Variants in SRCAP observed in about 807,000 individuals in gnomAD.
SRCAP encodes the protein chromatin remodeling protein SRCAP.
Under a neutral mutation model 263.1 loss-of-function variants are expected in SRCAP, and 46 were observed. The ratio of observed to expected loss-of-function variants is 0.17; its 90% CI spans 0.14 to 0.22. The LOEUF (loss-of-function observed/expected upper bound fraction) is 0.22, where lower values mean the gene tolerates loss of function less well. Among genes scored for constraint, SRCAP ranks in the 10% least tolerant of loss-of-function variants. The pLI is 1.00. For missense variants in SRCAP, 3,695 were observed against 4,181.9 expected, an observed-to-expected ratio of 0.88 and a Z score of 3.21; for synonymous variants, 1,813 against 1,662.1, an observed-to-expected ratio of 1.09 and a Z score of -2.21.
rs774278541 is a variant in SRCAP at position 30,709,847 on chromosome 16, A to G, written c.857-4A>G. The G allele has an allele frequency of 2.3e-5, 37 of 1,613,880 alleles. No homozygotes were observed. Among genetic ancestry groups the G allele is most frequent in the Non-Finnish European group, 3.1e-5 (36 of 1,179,912 alleles). ...GACTTTGTGACCTTGTTCTCCTGCT[A>G]TAGATGGGGACTTTCAACCCCAAGA... is the stretch of plus-strand genomic sequence containing the variant. On this transcript the variant is annotated splice_polypyrimidine_tract_variant and splice_region_variant and intron_variant, in intron 7 of 33. Transcript: ENST00000262518.
At chr16:30,715,151 A>G (rs981149977) in intron 16 of SRCAP, among the ~76,000 whole-genome samples, 8 of 152,216 alleles carry the variant, frequency 5.3e-5, no homozygotes, top group South Asian at 2.1e-4. Context: ...CTGATTTGCT[A>G]TCATTAATTG....
rs1389759145 is a variant in SRCAP at position 30,737,538 on chromosome 16, A to C, written c.7498A>C (p.Thr2500Pro). The C allele has an allele frequency of 6.2e-7, 1 of 1,607,476 alleles. No homozygotes were observed. Among genetic ancestry groups the C allele is most frequent in the African/African-American group, 1.3e-5 (1 of 74,184 alleles). Residue 2500 changes from threonine (T) to proline (P), a missense_variant, in exon 34 of 34, where the codon ACC (threonine) becomes CCC (proline). By Grantham distance (38) the Thr-to-Pro change is conservative. Around this residue, in one of 12 missense-constraint regions of SRCAP, gnomAD observed 1,207 missense variants for 1,142.9 expected, o/e 1.06. Coordinates refer to ENST00000262518, the MANE Select transcript of SRCAP (RefSeq NM_006662.3). The part of the protein sequence containing the change: ...QIPPCSSPAC[T>P]PPPACTPPPA... ...TCCTCCTTGTTCTTCTCCTGCCTGCACCCCTCCTCCTGCCTGTACCCCTCC... is the reference window on the plus strand; with the variant it reads ...TCCTCCTTGTTCTTCTCCTGCCTGCCCCCCTCCTCCTGCCTGTACCCCTCC...
rs2052797848 is a variant in SRCAP, at chr16:30,704,007, A to G, written c.55-57A>G. ...GAAGATCGGATGAAATAATGTATCT[A>G]AAACACTCAGCACAGTGCGAAGCAT... On this transcript the variant is annotated intron_variant, in intron 3 of 33. Transcript: ENST00000262518. The G allele has an allele frequency of 9.1e-6, 14 of 1,535,970 alleles. No homozygotes were observed. In the South Asian group the frequency reaches 1.5e-4, roughly 17 times the overall value.
At chr16:30,721,497 GGTGA>G in intron 21 of SRCAP, 21 bp downstream of exon 21, 2 of 1,601,772 alleles carry the variant, frequency 1.2e-6, no homozygotes, top group Non-Finnish European at 8.5e-7. Context: ...AGGGCTCTGT[GGTGA>G]GGGACTTGAG....
intron 25 of SRCAP, among the ~76,000 whole-genome samples, chr16:30,726,781 A>G (rs987591197): frequency 6.6e-6 from 1 of 152,006 alleles, no homozygotes; most frequent in African/African-American, 2.4e-5. Context: ...GCTCACTGCA[A>G]CCTCCACTTC....
chr16:30,734,004 A>G lies in SRCAP; in HGVS notation c.6605A>G (p.Lys2202Arg). The change falls in exon 30 of 34, where the codon AAA becomes AGA. Residue 2202 changes from lysine (K) to arginine (R), a missense_variant. Lys to Arg is a conservative substitution (Grantham distance 26). Around this residue, in one of 12 missense-constraint regions of SRCAP, gnomAD observed 138 missense variants for 254.9 expected, o/e 0.54. Transcript: ENST00000262518. ...GGCAACTTCACCACAGCCTATTTCA[A>G]ACAGGTACTAAGTAAGATCTTTTAG... ...EGGNFTTAYF[K>R]QQTIRELFDM... The G allele has an allele frequency of 1.9e-6, 3 of 1,603,786 alleles. No homozygotes were observed. Among genetic ancestry groups the G allele is most frequent in the African/African-American group, 2.7e-5 (2 of 74,738 alleles).
At position 30,728,951 on chromosome 16, in the gene SRCAP, T is replaced by C. The variant is rs756895009; in HGVS notation, c.5659-15T>C. 1.2e-6 allele frequency: 2 copies of C among 1,601,960 alleles called. No homozygotes were observed. The highest frequency in any genetic ancestry group is 3.4e-5 in the Admixed American group (2 of 59,224). ...TGAGGGTGCTGATTACTTCCTCTTT[T>C]TCTCTCACCCCCAGGACTCCCTGGA... is the stretch of plus-strand genomic sequence containing the variant. On this transcript the variant is annotated splice_polypyrimidine_tract_variant and intron_variant, in intron 25 of 33. Coordinates refer to ENST00000262518, the MANE Select transcript of SRCAP (RefSeq NM_006662.3).
intron 21 of SRCAP, 67 bp downstream of exon 21, chr16:30,721,543 CA>C: frequency 6.5e-7 from 1 of 1,550,088 alleles, no homozygotes; most frequent in Non-Finnish European, 8.7e-7. Context: ...ATGAGAGCAT[CA>C]AATTTTAGGC....
At chr16:30,699,380 G>GT (rs2052740131) in intron 1 of SRCAP, 138 bp downstream of exon 1, 1 of 393,642 alleles carries the variant, frequency 2.5e-6, no homozygotes, top group Non-Finnish European at 4.5e-6. Flanking sequence ...CCGGCGCGTG[G>GT]TTCTTGGCAG....
chr16:30,720,027 T>G (rs2052994580), intron 18 of SRCAP, 135 bp from the exon 19 acceptor site: 2 of 929,160 alleles, frequency 2.2e-6, no homozygotes, highest in East Asian at 2.5e-5. Flanking sequence ...CTCCCACTTG[T>G]GAGTGAGTAC....
At chr16:30,725,730 CAG>C (rs1446363783) in intron 25 of SRCAP, 1 of 152,264 alleles carries the variant, frequency 6.6e-6, no homozygotes. Context: ...TTTTTGGTAA[CAG>C]TTTGTGCTAT....
In SRCAP at chr16:30,707,555, G is replaced by A. The variant is rs1335158172; in HGVS notation, c.493-17G>A. The A allele has an allele frequency of 1.9e-6, 3 of 1,611,470 alleles. No individual in the cohort carries two copies. Among genetic ancestry groups the A allele is most frequent in the South Asian group, 2.2e-5 (2 of 90,770 alleles). ...TCTGGCTTTGAGTGTTTTCACCCTGGGTCTTCATTCCCACAGGTGGTGCGC... is the reference window on the plus strand; with the variant it reads ...TCTGGCTTTGAGTGTTTTCACCCTGAGTCTTCATTCCCACAGGTGGTGCGC... On this transcript the variant is annotated splice_polypyrimidine_tract_variant and intron_variant, in intron 5 of 33. Transcript: ENST00000262518.
Position 30,739,847 on chromosome 16 carries a change from G to A in SRCAP, c.*114G>A. The A allele has an allele frequency of 7.1e-7, 1 of 1,401,428 alleles. No homozygotes were observed. The highest frequency in any genetic ancestry group is 1.7e-5 in the South Asian group (1 of 59,752). 86.8% of individuals were successfully genotyped at this position (1,401,428 alleles called of 1,614,324 possible). On this transcript the variant is annotated 3_prime_UTR_variant, in exon 34 of 34. Coordinates refer to ENST00000262518, the MANE Select transcript of SRCAP (RefSeq NM_006662.3). Reference sequence around the variant, plus strand: ...GGGGGAAAGCCTCCAGGGAGACATAGGGGCCTTCTCCCTTCTTCCCACCAA... The same window carrying A: ...GGGGGAAAGCCTCCAGGGAGACATAAGGGCCTTCTCCCTTCTTCCCACCAA...
chr16:30,720,729 C>A lies in SRCAP; in HGVS notation c.3004C>A (p.Pro1002Thr). 6.2e-7 allele frequency: 1 copy of A among 1,607,460 alleles called. No individual in the cohort carries two copies. The highest frequency in any genetic ancestry group is 8.5e-7 in the Non-Finnish European group (1 of 1,175,972). ...TTCTCACAGGATGCTGCAGCCAGTA[C>A]CTAAGCAAGAAGGCCGGACAGTGGT... ...MKVNRMLQPV[P>T]KQEGRTVVVV... is the part of the protein sequence containing the mutation. The change falls in exon 20 of 34, where the codon CCT becomes ACT. Residue 1002 changes from proline to threonine, a missense_variant. By Grantham distance (38) the Pro-to-Thr change is conservative. Coordinates refer to ENST00000262518, the MANE Select transcript of SRCAP (RefSeq NM_006662.3).
At chr16:30,709,379 C>G (rs754481074) in intron 6 of SRCAP, 134 bp from the exon 7 acceptor site, 23 of 861,142 alleles carry the variant, frequency 2.7e-5, no homozygotes, top group Non-Finnish European at 3.7e-5. Context: ...TAGTGAGCCC[C>G]TAAGGTTATT....
At chr16:30,708,984 A>G (rs1468750988) in intron 6 of SRCAP, among the ~76,000 whole-genome samples, 1 of 151,970 alleles carries the variant, frequency 6.6e-6, no homozygotes, top group Admixed American at 6.6e-5. Flanking sequence ...ACGCCTGGCT[A>G]ATTTTTTATT....
Position 30,737,982 on chromosome 16 carries a change from G to A in SRCAP, c.7942G>A (p.Glu2648Lys), listed in dbSNP as rs2053177468. 6.2e-7 allele frequency: 1 copy of A among 1,614,134 alleles called. No individual in the cohort carries two copies. Among genetic ancestry groups the A allele is most frequent in the Non-Finnish European group, 8.5e-7 (1 of 1,180,036 alleles). The stretch of plus-strand genomic sequence containing the variant: ...TGAGGAGTTGCCCCTGTGTGTGAGT[G>A]AGAGCAATGGCCTGGAGCTCCCACC... ...EGEELPLCVSESNGLELPPSA... is the reference protein window; with the variant it reads ...EGEELPLCVSKSNGLELPPSA... The change falls in exon 34 of 34, where the codon GAG becomes AAG. Residue 2648 changes from glutamate (E) to lysine (K), a missense_variant. Transcript: ENST00000262518.
chr16:30,720,352 G>A (rs1227799562), intron 19 of SRCAP, 21 bp downstream of exon 19: 4 of 1,598,326 alleles, frequency 2.5e-6, no homozygotes, highest in Admixed American at 1.7e-5. Flanking sequence ...TAAGGAATGA[G>A]GGGATGGTTC....
At chr16:30,721,984 T>G in intron 21 of SRCAP, 138 bp from the exon 22 acceptor site, 1 of 1,092,640 alleles carries the variant, frequency 9.2e-7, no homozygotes, top group South Asian at 1.6e-5. Context: ...AGGCTGAGTT[T>G]ATTGGGACAT....
Sources: gnomAD v4.1 joint callset for allele counts (sites outside exome capture counted in the v4.1 genomes callset) on GRCh38, gnomAD v4.1.1 for gene constraint, gnomAD v4.1.1 regional missense constraint, MANE v1.5 for transcripts, NCBI Gene and HGNC (gene_info 2026-07-23, HGNC 2026-07-21) for gene names.